CACNA1I: variants seen among roughly 807,000 people sequenced by gnomAD.
CACNA1I encodes voltage-dependent T-type calcium channel subunit alpha-1I.
Under a neutral mutation model 201.6 loss-of-function variants are expected in CACNA1I, and 74 were observed. That is an observed-to-expected ratio of 0.37 (90% CI 0.30 to 0.45). The LOEUF (loss-of-function observed/expected upper bound fraction) is 0.45. CACNA1I is among the 20% of genes least tolerant of loss of function. CACNA1I has a pLI of 1.00. For missense variants in CACNA1I, 2,346 were observed against 3,138.1 expected (o/e 0.75, Z 6.03); for synonymous variants, 1,431 against 1,345.2 (o/e 1.06, Z -1.40).
At position 39,686,782 on chromosome 22, in the gene CACNA1I, T is replaced by G. The variant is rs1302738510; in HGVS notation, c.*377T>G. 6.6e-6 allele frequency: 1 copy of G among 151,828 alleles called. No individual in the cohort carries two copies. The highest frequency in any genetic ancestry group is 1.5e-5 in the Non-Finnish European group (1 of 67,960). The allele number at this position is 151,828 out of a possible 1,614,324, so 9.4% of individuals were successfully genotyped here. Reference sequence around the variant, plus strand: ...CCTGGACGGGGCTTTTGTCTGATGCTCTGGGATTCTGGCCAGACCCACCCC... The same window carrying G: ...CCTGGACGGGGCTTTTGTCTGATGCGCTGGGATTCTGGCCAGACCCACCCC... On this transcript the variant is annotated 3_prime_UTR_variant, in exon 37 of 37. Coordinates refer to ENST00000402142, the MANE Select transcript of CACNA1I (RefSeq NM_021096.4).
At chr22:39,637,926 T>C (rs148891659) in intron 5 of CACNA1I, among the ~76,000 whole-genome samples, 25 of 152,310 alleles carry the variant, frequency 1.6e-4, no homozygotes, top group African/African-American at 5.5e-4. Flanking sequence ...GTATGGTTTG[T>C]AGATGGAGTC....
chr22:39,679,225 T>C lies in CACNA1I; in HGVS notation c.5174T>C (p.Val1725Ala). 1.9e-6 allele frequency: 3 copies of C among 1,593,640 alleles called. No individual in the cohort carries two copies. The highest frequency in any genetic ancestry group is 1.1e-5 in the South Asian group (1 of 87,160). The change falls in exon 32 of 37, where the codon GTG becomes GCG. Residue 1725 changes from valine to alanine, a missense_variant. Coordinates refer to ENST00000402142, the MANE Select transcript of CACNA1I (RefSeq NM_021096.4). ...LTAQFVLINV[V>A]VAVLMKHLDD... The stretch of plus-strand genomic sequence containing the variant: ...GCGCAGTTCGTGCTCATCAACGTGG[T>C]GGTGGCTGTGCTCATGAAGCACCTG...
chr22:39,578,764 C>T (rs576035053), intron 1 of CACNA1I, among the ~76,000 whole-genome samples: 2 of 152,176 alleles, frequency 1.3e-5, no homozygotes, highest in African/African-American at 2.4e-5. Flanking sequence ...AGCCTGGACT[C>T]GAGGTCTCCA....
rs1935906308 is a variant in CACNA1I, at chr22:39,686,971, C to T, written c.*566C>T. The T allele has an allele frequency of 6.6e-6, 1 of 151,878 alleles. No individual in the cohort carries two copies. The highest frequency in any genetic ancestry group is 2.1e-4 in the South Asian group (1 of 4,816). The allele number at this position is 151,878 out of a possible 1,614,324, so 9.4% of individuals were successfully genotyped here. A position where few individuals can be genotyped will look rare whatever the true frequency, so the allele number is the denominator to read the frequency against. On this transcript the variant is annotated 3_prime_UTR_variant, in exon 37 of 37. Coordinates refer to ENST00000402142, the MANE Select transcript of CACNA1I (RefSeq NM_021096.4). Reference sequence around the variant, plus strand: ...TTTTTTTTCCTTTAAAGAAGAAACGCTGCTAAGATCCCACGTGGCTCCCAC... The same window carrying T: ...TTTTTTTTCCTTTAAAGAAGAAACGTTGCTAAGATCCCACGTGGCTCCCAC...
At chr22:39,615,130 G>T (rs1933494627) in intron 3 of CACNA1I, among the ~76,000 whole-genome samples, 1 of 152,182 alleles carries the variant, frequency 6.6e-6, no homozygotes, top group South Asian at 2.1e-4. Flanking sequence ...CAGCTGTCTT[G>T]GCTGTCACTG....
intron 4 of CACNA1I, among the ~76,000 whole-genome samples, chr22:39,630,670 G>A (rs531672697): frequency 5.9e-4 from 90 of 152,372 alleles, no homozygotes; most frequent in African/African-American, 2.1e-3. Context: ...CTATGATGGA[G>A]GGCGGGTGGG....
Position 39,658,970 on chromosome 22 carries a change from G to A in CACNA1I, c.2184G>A (p.Ser728=), listed in dbSNP as rs559681277. Reference sequence around the variant, plus strand: ...TGGGGCAGGCGGACGGTGGGCTGTCGGTGCTGCGGACCTTCCGGCTGCTGC... The same window carrying A: ...TGGGGCAGGCGGACGGTGGGCTGTCAGTGCTGCGGACCTTCCGGCTGCTGC... ...EIVGQADGGL[S]VLRTFRLLRV... is the part of the protein sequence containing the mutation. The change falls in exon 12 of 37, where the codon TCG becomes TCA. Residue 728 remains serine, a synonymous_variant. Coordinates refer to ENST00000402142, the MANE Select transcript of CACNA1I (RefSeq NM_021096.4). 100 of 1,605,764 alleles carry A rather than the reference G, an allele frequency of 6.2e-5. No individual in the cohort carries two copies. The highest frequency in any genetic ancestry group is 1.7e-4 in the Middle Eastern group (1 of 6,058).
chr22:39,605,509 T>C (rs917473427), intron 3 of CACNA1I, among the ~76,000 whole-genome samples: 16 of 152,204 alleles, frequency 1.1e-4, no homozygotes, highest in African/African-American at 3.4e-4. Context: ...AATCGACCTT[T>C]ATTGAGCATC....
chr22:39,649,443 A>G lies in CACNA1I; in HGVS notation c.1568-58A>G, dbSNP rs1028976322. The stretch of plus-strand genomic sequence containing the variant: ...CCAAGCGCACTCAGGGATGTGTCCC[A>G]GGGTGGATTGGGCCTGGTGTGGGCA... On this transcript the variant is annotated intron_variant, in intron 9 of 36. Coordinates refer to ENST00000402142, the MANE Select transcript of CACNA1I (RefSeq NM_021096.4). The surrounding 1 kb of genome is among the most constrained non-coding windows in gnomAD (Gnocchi z 7.3). The G allele has an allele frequency of 8.2e-6, 12 of 1,471,238 alleles. No individual in the cohort carries two copies. Among genetic ancestry groups the G allele is most frequent in the East Asian group, 5.0e-5 (2 of 39,932 alleles). The allele number at this position is 1,471,238 out of a possible 1,614,324, so 91.1% of individuals were successfully genotyped here. A position where few individuals can be genotyped will look rare whatever the true frequency, so the allele number is the denominator to read the frequency against.
At chr22:39,575,513 T>C (rs962976603) in intron 1 of CACNA1I, among the ~76,000 whole-genome samples, 9 of 152,112 alleles carry the variant, frequency 5.9e-5, no homozygotes, top group South Asian at 4.1e-4. Context: ...CAATTAGACA[T>C]TGGGGACAGG....
At chr22:39,668,435 C>A in intron 24 of CACNA1I, 54 bp downstream of exon 24, 1 of 1,193,472 alleles carries the variant, frequency 8.4e-7, no homozygotes, top group Non-Finnish European at 1.2e-6. Flanking sequence ...ACATGGTGTC[C>A]TTGGGGCCCA....
In CACNA1I at chr22:39,662,982, A is replaced by C. The variant is rs574513279; in HGVS notation, c.3473+106A>C. On this transcript the variant is annotated intron_variant, in intron 18 of 36. Coordinates refer to ENST00000402142, the MANE Select transcript of CACNA1I (RefSeq NM_021096.4). ...CATTGGTGGCGCTCTCCCAGACCAC[A>C]GCGGACCCTCCCGGCCCAGAGGTGG... 13 of 777,448 alleles carry C rather than the reference A, an allele frequency of 1.7e-5. No individual in the cohort carries two copies. The South Asian group carries it at 1.9e-4, about 11-fold the overall frequency. The allele number at this position is 777,448 out of a possible 1,614,324, so 48.2% of individuals were successfully genotyped here. A position where few individuals can be genotyped will look rare whatever the true frequency, so the allele number is the denominator to read the frequency against.
rs559680618 is a variant in CACNA1I, at chr22:39,595,373, C to T, written c.237-2778C>T. Among the ~76,000 whole-genome samples the T allele has an allele frequency of 1.3e-4, 20 of 152,192 alleles. No individual in the cohort carries two copies. The East Asian group carries it at 3.9e-3, about 29-fold the overall frequency. ...GCACAATGGCTCATGCCTGTAATCC[C>T]AGCACTTTGGGAGGCCGAGGCGGGT... On this transcript the variant is annotated intron_variant, in intron 1 of 36. Coordinates refer to ENST00000402142, the MANE Select transcript of CACNA1I (RefSeq NM_021096.4).
Position 39,687,045 on chromosome 22 carries a change from T to G in CACNA1I, c.*640T>G, listed in dbSNP as rs1374257558. On this transcript the variant is annotated 3_prime_UTR_variant, in exon 37 of 37. Transcript: ENST00000402142. ...TCCTGACTGTCTCGTTATTGTGAAGTCTTTCGTAGACACCCCAGAGCACAC... is the reference window on the plus strand; with the variant it reads ...TCCTGACTGTCTCGTTATTGTGAAGGCTTTCGTAGACACCCCAGAGCACAC... 1 of 151,962 alleles carries G rather than the reference T, an allele frequency of 6.6e-6. No individual in the cohort carries two copies. 9.4% of individuals were successfully genotyped at this position (151,962 alleles called of 1,614,324 possible).
intron 10 of CACNA1I, among the ~76,000 whole-genome samples, chr22:39,650,750 G>T (rs942714421): frequency 5.9e-5 from 9 of 152,224 alleles, no homozygotes; most frequent in African/African-American, 2.2e-4. Flanking sequence ...TGGGCTGGGA[G>T]CAGGGAGGAC....
At chr22:39,669,955 T>C in intron 24 of CACNA1I, 83 bp from the exon 25 acceptor site, 5 of 1,507,062 alleles carry the variant, frequency 3.3e-6, no homozygotes, top group Non-Finnish European at 4.6e-6. Flanking sequence ...GCCCACTCCA[T>C]GGAGGCTCAG....
chr22:39,588,197 G>A (rs188777649), intron 1 of CACNA1I, among the ~76,000 whole-genome samples: 51 of 129,628 alleles, frequency 3.9e-4, no homozygotes, highest in African/African-American at 1.2e-3. Context: ...CAGTGGCACC[G>A]TCATAACTCA....
In CACNA1I at chr22:39,660,494, G is replaced by C. The variant is rs551242001; in HGVS notation, c.2698+57G>C. 12 of 1,257,290 alleles carry C rather than the reference G, an allele frequency of 9.5e-6. No individual in the cohort carries two copies. The Admixed American group carries it at 2.3e-4, about 24-fold the overall frequency. 77.9% of individuals were successfully genotyped at this position (1,257,290 alleles called of 1,614,324 possible). On this transcript the variant is annotated intron_variant, in intron 15 of 36. Coordinates refer to ENST00000402142, the MANE Select transcript of CACNA1I (RefSeq NM_021096.4). ...CCCAGAGCCTTCTCCACAGATCCAG[G>C]TGGGCAGAGGGTACAGCGTCTGACT... is the stretch of plus-strand genomic sequence containing the variant.
Position 39,664,764 on chromosome 22 carries a change from G to T in CACNA1I, c.3692G>T (p.Gly1231Val). ...LKVVSLGLYFGEQAYLRSSWN... is the reference protein window; with the variant it reads ...LKVVSLGLYFVEQAYLRSSWN... ...GTAGTCTCGCTGGGCCTGTACTTCG[G>T]CGAGCAGGCGTACCTACGCAGCAGC... Residue 1231 changes from glycine to valine, a missense_variant, in exon 21 of 37, where the codon GGC (glycine) becomes GTC (valine). This residue lies in a region of CACNA1I where 158 missense variants were observed against 231.6 expected (regional missense o/e 0.68). Transcript: ENST00000402142. The T allele has an allele frequency of 6.2e-7, 1 of 1,609,444 alleles. No individual in the cohort carries two copies.
Sources: allele counts gnomAD v4.1 joint callset (sites outside exome capture counted in the v4.1 genomes callset), GRCh38; gene constraint gnomAD v4.1.1; regional missense constraint gnomAD v4.1.1; non-coding constraint Gnocchi (gnomAD v3.1); transcripts MANE v1.5; gene names NCBI Gene and HGNC (gene_info 2026-07-23, HGNC 2026-07-21).